The following TRAPPC9 variants were observed in gnomAD, a reference collection of about 807,000 sequenced individuals.
TRAPPC9 encodes the protein trafficking protein particle complex subunit 9.
A neutral mutation model predicts 124.0 loss-of-function variants in TRAPPC9; 83 were observed. The ratio of observed to expected loss-of-function variants is 0.67; its 90% CI spans 0.56 to 0.80. The LOEUF is 0.80. TRAPPC9 is among the 30% of genes least tolerant of loss of function. The pLI is 0.00. For missense variants in TRAPPC9, 1,302 were observed against 1,508.3 expected, an observed-to-expected ratio of 0.86 and a Z score of 2.27; for synonymous variants, 638 against 617.5, an observed-to-expected ratio of 1.03 and a Z score of -0.49.
intron 17 of TRAPPC9, among the ~76,000 whole-genome samples, chr8:140,125,142 G>A (rs906300147): frequency 2.6e-5 from 4 of 152,234 alleles, no homozygotes; most frequent in African/African-American, 9.6e-5. Context: ...GAGCTGGGCC[G>A]ATGGTGATGC....
chr8:139,789,476 C>G (rs560729051), intron 21 of TRAPPC9, among the ~76,000 whole-genome samples: 34 of 152,304 alleles, frequency 2.2e-4, no homozygotes, highest in African/African-American at 3.6e-4. Context: ...CTCATCCCCC[C>G]CCAGGATATC....
At position 140,382,380 on chromosome 8, in the gene TRAPPC9, C is replaced by T. The variant is rs537274531; in HGVS notation, c.1135-11200G>A. On this transcript the variant is annotated intron_variant, in intron 7 of 22. Transcript: ENST00000438773. ...GGAAGCGCAAAGGGTCAGGGAATTC[C>T]CTTTCCTAGCCAAGCAAAGCTGTGA... 2.4e-4 allele frequency among the ~76,000 whole-genome samples: 37 copies of T among 152,336 alleles called. No homozygotes were observed. The South Asian group carries it at 3.3e-3, about 14-fold the overall frequency.
At chr8:140,023,449 C>T (rs1034973746) in intron 18 of TRAPPC9, among the ~76,000 whole-genome samples, 1 of 152,192 alleles carries the variant, frequency 6.6e-6, no homozygotes, top group African/African-American at 2.4e-5. Context: ...CCTTTGTATG[C>T]GAAGGGCCTC....
At chr8:139,785,258 T>C (rs1822143534) in intron 21 of TRAPPC9, among the ~76,000 whole-genome samples, 1 of 152,178 alleles carries the variant, frequency 6.6e-6, no homozygotes, top group Non-Finnish European at 1.5e-5. Flanking sequence ...CGTTGTATTC[T>C]GTAAAAAATT....
intron 17 of TRAPPC9, among the ~76,000 whole-genome samples, chr8:140,185,720 G>A (rs780576938): frequency 2.6e-5 from 4 of 152,256 alleles, no homozygotes; most frequent in African/African-American, 4.8e-5. Flanking sequence ...GCAGTGCCAC[G>A]TGGTGCAGTG....
chr8:140,380,671 A>C (rs1048454107), intron 7 of TRAPPC9, among the ~76,000 whole-genome samples: 2 of 150,852 alleles, frequency 1.3e-5, no homozygotes, highest in Admixed American at 1.3e-4. Flanking sequence ...AAAAAAAAAA[A>C]AAAAAAAAGA....
At chr8:139,919,523 TA>T (rs1260615737) in intron 19 of TRAPPC9, among the ~76,000 whole-genome samples, 7 of 152,202 alleles carry the variant, frequency 4.6e-5, no homozygotes, top group African/African-American at 1.7e-4. Context: ...AAGCTGTTAT[TA>T]AAAAATATGG....
intron 17 of TRAPPC9, among the ~76,000 whole-genome samples, chr8:140,112,521 G>C (rs754719093): frequency 6.6e-6 from 1 of 152,192 alleles, no homozygotes; most frequent in Admixed American, 6.5e-5. Context: ...CAGAGCTCCC[G>C]ACCAGTAAGC....
At chr8:140,077,569 G>A (rs1336334794) in intron 17 of TRAPPC9, among the ~76,000 whole-genome samples, 1 of 151,990 alleles carries the variant, frequency 6.6e-6, no homozygotes, top group Non-Finnish European at 1.5e-5. Flanking sequence ...TCTTCTGCTT[G>A]CATGCATTTG....
chr8:140,058,888 C>A (rs915540324), intron 17 of TRAPPC9, among the ~76,000 whole-genome samples: 1 of 152,096 alleles, frequency 6.6e-6, no homozygotes, highest in African/African-American at 2.4e-5. Context: ...AGGGCCTTTG[C>A]GGCAGTGGGT....
intron 9 of TRAPPC9, among the ~76,000 whole-genome samples, chr8:140,343,236 G>A (rs1355363077): frequency 6.6e-6 from 1 of 152,212 alleles, no homozygotes; most frequent in East Asian, 1.9e-4. Flanking sequence ...GCCCTGTGTG[G>A]TCCTGAGCCC....
chr8:140,294,957 C>T (rs2065764959), intron 11 of TRAPPC9, among the ~76,000 whole-genome samples: 1 of 152,166 alleles, frequency 6.6e-6, no homozygotes, highest in African/African-American at 2.4e-5. Flanking sequence ...CCTTTCCATC[C>T]TCAGCATGTC....
intron 19 of TRAPPC9, among the ~76,000 whole-genome samples, chr8:139,928,609 G>A (rs1400141459): frequency 2.6e-5 from 4 of 151,842 alleles, no homozygotes; most frequent in East Asian, 1.9e-4. Flanking sequence ...CCACAGCATC[G>A]ACCGACCTCA....
chr8:140,096,299 T>G (rs1039885369), intron 17 of TRAPPC9: 1 of 152,216 alleles, frequency 6.6e-6, no homozygotes, highest in Non-Finnish European at 1.5e-5. Context: ...TTTCAGGCCA[T>G]TGTAAAAACA....
chr8:140,210,334 C>T lies in TRAPPC9; in HGVS notation c.2556+11125G>A, dbSNP rs148785392. Among the ~76,000 whole-genome samples, 1,282 of 152,300 alleles carry T rather than the reference C, an allele frequency of 8.4e-3. 18 individuals carry two copies. The highest frequency in any genetic ancestry group is 0.028 in the African/African-American group (1,174 of 41,574). On this transcript the variant is annotated intron_variant, in intron 17 of 22. Transcript: ENST00000438773. ...CCCCGCCTCACAGGTCTGTGGTGAACGCGCACCGTCAATGCAGAGGAAACT... is the reference window on the plus strand; with the variant it reads ...CCCCGCCTCACAGGTCTGTGGTGAATGCGCACCGTCAATGCAGAGGAAACT...
At chr8:140,112,643 C>T (rs576537765) in intron 17 of TRAPPC9, among the ~76,000 whole-genome samples, 45 of 152,208 alleles carry the variant, frequency 3.0e-4, no homozygotes, top group Admixed American at 2.6e-3. Flanking sequence ...AGGTCAGAGC[C>T]GGTGGGTTCG....
intron 21 of TRAPPC9, among the ~76,000 whole-genome samples, chr8:139,878,610 A>C (rs1400017963): frequency 1.3e-5 from 2 of 152,168 alleles, no homozygotes; most frequent in African/African-American, 2.4e-5. Context: ...AGGGCTCGGA[A>C]ATAACAACCT....
chr8:139,765,959 T>C (rs1472436056), intron 21 of TRAPPC9, among the ~76,000 whole-genome samples: 1 of 152,180 alleles, frequency 6.6e-6, no homozygotes, highest in Non-Finnish European at 1.5e-5. Flanking sequence ...TGGGGCTGCC[T>C]TGAAGGGCGC....
At chr8:140,278,638 A>G (rs2065202518) in intron 14 of TRAPPC9, among the ~76,000 whole-genome samples, 1 of 152,172 alleles carries the variant, frequency 6.6e-6, no homozygotes, top group Non-Finnish European at 1.5e-5. Flanking sequence ...GCATCTCTGT[A>G]TGGCTGCCTG....
Sources: allele counts gnomAD v4.1 joint callset (sites outside exome capture counted in the v4.1 genomes callset), GRCh38; gene constraint gnomAD v4.1.1; transcripts MANE v1.5; gene names NCBI Gene and HGNC (gene_info 2026-07-23, HGNC 2026-07-21).